The following HDAC5 variants were observed in gnomAD, a reference collection of about 807,000 sequenced individuals.
The protein encoded by HDAC5 is antigen NY-CO-9.
A neutral mutation model predicts 133.3 loss-of-function variants in HDAC5; 25 were observed. The ratio of observed to expected loss-of-function variants is 0.19; its 90% CI spans 0.14 to 0.26. The LOEUF is 0.26. HDAC5 is among the 10% of genes least tolerant of loss of function. The pLI is 1.00. For synonymous variants in HDAC5, 589 were observed against 610.8 expected (o/e 0.96, Z 0.53); for missense variants, 1,041 against 1,460.5 (o/e 0.71, Z 4.68).
In HDAC5 at chr17:44,117,606, G is replaced by A. The variant is rs1178566310; in HGVS notation, c.-91C>T. On this transcript the variant is annotated 5_prime_UTR_variant, in exon 2 of 27. Transcript: ENST00000682912. The surrounding 1 kb of genome is among the most constrained non-coding windows in gnomAD (Gnocchi z 4.2). ...ATGTCAAGAGAGACAGACGATAACA[G>A]ACAGACGGACGGGACGGGAGCCCGG... 2 of 1,481,780 alleles carry A rather than the reference G, an allele frequency of 1.3e-6. No homozygotes were observed. The highest frequency in any genetic ancestry group is 4.5e-5 in the East Asian group (2 of 44,318). 91.8% of individuals were successfully genotyped at this position (1,481,780 alleles called of 1,614,324 possible).
intron 1 of HDAC5, among the ~76,000 whole-genome samples, chr17:44,121,333 G>T (rs952954849): frequency 4.6e-5 from 7 of 152,112 alleles, no homozygotes; most frequent in African/African-American, 1.7e-4. Context: ...GCTAAAGTCG[G>T]CTACAATAGG....
At position 44,080,609 on chromosome 17, in the gene HDAC5, G is replaced by A. The variant is rs2050346420; in HGVS notation, c.2728-111C>T. ...CACTCCACTGACCTCTGCTCTGCCTGGAGGGGCAGTCAGATCAGTGTGGTC... is the reference window on the plus strand; with the variant it reads ...CACTCCACTGACCTCTGCTCTGCCTAGAGGGGCAGTCAGATCAGTGTGGTC... On this transcript the variant is annotated intron_variant, in intron 21 of 26. Transcript: ENST00000682912. 6 of 1,465,578 alleles carry A rather than the reference G, an allele frequency of 4.1e-6. 1 individual carries two copies. The allele number at this position is 1,465,578 out of a possible 1,614,324, so 90.8% of individuals were successfully genotyped here. A position where few individuals can be genotyped will look rare whatever the true frequency, so the allele number is the denominator to read the frequency against.
chr17:44,088,129 C>A (rs759886326), intron 12 of HDAC5, among the ~76,000 whole-genome samples: 25 of 152,220 alleles, frequency 1.6e-4, no homozygotes, highest in Non-Finnish European at 3.4e-4. Context: ...CTGCCTCAGC[C>A]TCCCGAGTAG....
chr17:44,109,228 A>T (rs2143544966), intron 3 of HDAC5, among the ~76,000 whole-genome samples: 1 of 152,316 alleles, frequency 6.6e-6, no homozygotes, highest in East Asian at 1.9e-4. Flanking sequence ...CTCTGGGATT[A>T]TTCTGCCTTC....
At chr17:44,098,453 C>A (rs170634) in intron 3 of HDAC5, among the ~76,000 whole-genome samples, 91,318 of 151,980 alleles carry the variant, frequency 0.6, 31,938 homozygotes, top group South Asian at 0.88. Context: ...AAAAAGGGAA[C>A]CTGGGCCAGG....
Position 44,121,355 on chromosome 17 carries a change from G to A in HDAC5, c.-190+2149C>T, listed in dbSNP as rs149577651. ...TCGGCTACAATAGGCCCCCTCACGG[G>A]CTACATCAGGTTTTCATTCATGAGC... is the stretch of plus-strand genomic sequence containing the variant. On this transcript the variant is annotated intron_variant, in intron 1 of 26. Transcript: ENST00000682912. Among the ~76,000 whole-genome samples, 706 of 151,996 alleles carry A rather than the reference G, an allele frequency of 4.6e-3. 9 individuals are homozygous for A. The highest frequency in any genetic ancestry group is 0.016 in the African/African-American group (666 of 41,406).
At chr17:44,084,271 G>T (rs779556564) in intron 16 of HDAC5, among the ~76,000 whole-genome samples, 1 of 152,154 alleles carries the variant, frequency 6.6e-6, no homozygotes, top group African/African-American at 2.4e-5. Context: ...TTACCTCTGG[G>T]GGCAGGTGGC....
At chr17:44,099,926 T>C (rs575847847) in intron 3 of HDAC5, among the ~76,000 whole-genome samples, 238 of 152,262 alleles carry the variant, frequency 1.6e-3, no homozygotes, top group African/African-American at 5.3e-3. Context: ...CTGCCTCCTC[T>C]TCAGGAACCC....
At chr17:44,081,559 G>A (rs1197120149) in intron 20 of HDAC5, 1 of 142,816 alleles carries the variant, frequency 7.0e-6, no homozygotes, top group African/African-American at 2.6e-5. Flanking sequence ...GGCCTTTTTT[G>A]TTTTCCTTTT....
chr17:44,113,674 C>T (rs76205398), intron 2 of HDAC5, among the ~76,000 whole-genome samples: 2,250 of 152,324 alleles, frequency 0.015, 23 homozygotes, highest in Non-Finnish European at 0.024. Flanking sequence ...CCAGGACTGT[C>T]TTCCCCAGAC....
At chr17:44,106,789 T>G (rs1055319808) in intron 3 of HDAC5, among the ~76,000 whole-genome samples, 2 of 151,994 alleles carry the variant, frequency 1.3e-5, no homozygotes. Flanking sequence ...GGTTTCTCCA[T>G]GTTGGTCAGG....
chr17:44,080,888 A>AG lies in HDAC5; in HGVS notation c.2608-7dup. On this transcript the variant is annotated splice_region_variant and splice_polypyrimidine_tract_variant and intron_variant, in intron 20 of 26. Coordinates refer to ENST00000682912, the MANE Select transcript of HDAC5 (RefSeq NM_005474.5). Reference sequence around the variant, plus strand: ...CCATTGCCATGGTGAATGTCCTATGAGGGGAGGTAGAAGCATCGGGAAAAT... The same window carrying AG: ...CCATTGCCATGGTGAATGTCCTATGAGGGGGAGGTAGAAGCATCGGGAAAAT... 1 of 1,614,128 alleles carries AG rather than the reference A, an allele frequency of 6.2e-7. No homozygotes were observed. Among genetic ancestry groups the AG allele is most frequent in the Non-Finnish European group, 8.5e-7 (1 of 1,179,992 alleles).
chr17:44,089,778 G>T, intron 11 of HDAC5, among the ~76,000 whole-genome samples: 1 of 114,710 alleles, frequency 8.7e-6, no homozygotes, highest in South Asian at 3.2e-4. Flanking sequence ...AAAAAAATTA[G>T]CTGGGTGTGG....
intron 3 of HDAC5, among the ~76,000 whole-genome samples, chr17:44,107,889 C>T (rs967835619): frequency 2.0e-5 from 3 of 152,154 alleles, no homozygotes; most frequent in Admixed American, 1.3e-4. Flanking sequence ...GAAAAGCAGA[C>T]TCCTCCTCCA....
At chr17:44,099,274 G>A (rs575885032) in intron 3 of HDAC5, among the ~76,000 whole-genome samples, 2 of 152,178 alleles carry the variant, frequency 1.3e-5, no homozygotes, top group East Asian at 1.9e-4. Flanking sequence ...GGCTCTGGGG[G>A]AAAGCCTTGG....
chr17:44,116,881 C>G (rs1437246061), intron 2 of HDAC5, among the ~76,000 whole-genome samples: 1 of 151,990 alleles, frequency 6.6e-6, no homozygotes, highest in Non-Finnish European at 1.5e-5. Flanking sequence ...AGTAAAAGAC[C>G]CCAGATTAGC....
At chr17:44,112,624 G>A (rs1365043465) in intron 2 of HDAC5, among the ~76,000 whole-genome samples, 2 of 152,164 alleles carry the variant, frequency 1.3e-5, no homozygotes, top group Non-Finnish European at 2.9e-5. Flanking sequence ...CAAGGACACA[G>A]TGGCTGTGGC....
chr17:44,092,867 C>A, intron 6 of HDAC5, 61 bp from the exon 7 acceptor site: 1 of 711,986 alleles, frequency 1.4e-6, no homozygotes. Context: ...TCTGCTGGAC[C>A]TGCCACCTGG....
At chr17:44,111,447 G>C (rs2052338948) in intron 2 of HDAC5, 1 of 407,520 alleles carries the variant, frequency 2.5e-6, no homozygotes, top group Non-Finnish European at 5.0e-6. Flanking sequence ...TGGGTGGCCA[G>C]AGGCTGGGCT....
Sources: gnomAD v4.1 joint callset for allele counts (sites outside exome capture counted in the v4.1 genomes callset) on GRCh38, gnomAD v4.1.1 for gene constraint, Gnocchi (gnomAD v3.1) non-coding constraint, MANE v1.5 for transcripts, NCBI Gene and HGNC (gene_info 2026-07-23, HGNC 2026-07-21) for gene names.